Variants in WDR33 observed in about 807,000 individuals in gnomAD.
The protein encoded by WDR33 is pre-mRNA 3' end processing protein WDR33.
A neutral mutation model predicts 164.9 loss-of-function variants in WDR33; 47 were observed. The observed-to-expected ratio is 0.29, with a 90% CI of 0.23 to 0.36. The LOEUF (loss-of-function observed/expected upper bound fraction) is 0.36. Ranked by LOEUF, WDR33 falls within the 10% of genes least tolerant of loss-of-function variation. WDR33 has a pLI of 1.00. For missense variants in WDR33, 1,137 were observed against 1,754.1 expected (o/e 0.65, Z 6.28); for synonymous variants, 505 against 589.0 (o/e 0.86, Z 2.06).
chr2:127,744,994 C>T (rs1191070084), intron 7 of WDR33, among the ~76,000 whole-genome samples: 1 of 152,068 alleles, frequency 6.6e-6, no homozygotes, highest in Non-Finnish European at 1.5e-5. Context: ...GCACTGCTAA[C>T]GAAGCCAGGT....
intron 1 of WDR33, among the ~76,000 whole-genome samples, chr2:127,790,338 T>G (rs764121543): frequency 6.6e-6 from 1 of 152,196 alleles, no homozygotes; most frequent in Non-Finnish European, 1.5e-5. Context: ...ATTGCTGGAT[T>G]TGAGTTACTA....
At chr2:127,780,567 A>C (rs1174753950) in intron 1 of WDR33, among the ~76,000 whole-genome samples, 3 of 152,212 alleles carry the variant, frequency 2.0e-5, no homozygotes, top group African/African-American at 7.2e-5. Context: ...GAAGCTGTTT[A>C]AATAAGTAGG....
In WDR33 at chr2:127,713,883, C is replaced by T. The variant is rs758162283; in HGVS notation, c.3008G>A (p.Arg1003His). 9.9e-6 allele frequency: 16 copies of T among 1,614,074 alleles called. No individual in the cohort carries two copies. Among genetic ancestry groups the T allele is most frequent in the Admixed American group, 6.7e-5 (4 of 60,004 alleles). The change falls in exon 18 of 22, where the codon CGT becomes CAT. Residue 1003 changes from arginine to histidine, a missense_variant. This residue lies in a region of WDR33 where 867 missense variants were observed against 1,073.0 expected (regional missense o/e 0.81). Coordinates refer to ENST00000322313, the MANE Select transcript of WDR33 (RefSeq NM_018383.5). This position sits in a 1 kb window ranked among gnomAD's most constrained non-coding sequence, Gnocchi z 6.2. ...GQDCRGPPDR[R>H]GPHPDFPDDF... is the part of the protein sequence containing the mutation. Reference sequence around the variant, plus strand: ...ATCGGGGAAGTCTGGGTGAGGGCCACGCCTATCAGGGGGACCCCTGCAGTC... The same window carrying T: ...ATCGGGGAAGTCTGGGTGAGGGCCATGCCTATCAGGGGGACCCCTGCAGTC...
rs1290450019 is a variant in WDR33, at chr2:127,764,630, T to C, written c.626+198A>G. 1.3e-6 allele frequency: 2 copies of C among 1,555,650 alleles called. No individual in the cohort carries two copies. Among genetic ancestry groups the C allele is most frequent in the African/African-American group, 1.4e-5 (1 of 73,024 alleles). On this transcript the variant is annotated intron_variant, in intron 6 of 21. Transcript: ENST00000322313. This position sits in a 1 kb window ranked among gnomAD's most constrained non-coding sequence, Gnocchi z 6.2. ...ATCTCTAACATATTGCAAAGGCTGA[T>C]ACCGGGACAACACTACTTCAGAAAG...
chr2:127,702,236 C>G lies in WDR33; in HGVS notation c.*4087G>C. The G allele has an allele frequency of 3.4e-6, 4 of 1,185,326 alleles. No homozygotes were observed. The highest frequency in any genetic ancestry group is 3.7e-5 in the East Asian group (1 of 26,876). The allele number at this position is 1,185,326 out of a possible 1,614,324, so 73.4% of individuals were successfully genotyped here. On this transcript the variant is annotated 3_prime_UTR_variant, in exon 22 of 22. Coordinates refer to ENST00000322313, the MANE Select transcript of WDR33 (RefSeq NM_018383.5). ...GAGCCAGCGCCGTCGGAGACCGCGC[C>G]GGCCGAGCTGAGGACTGCACGCCGC... is the stretch of plus-strand genomic sequence containing the variant.
intron 1 of WDR33, among the ~76,000 whole-genome samples, chr2:127,773,799 T>C (rs112408982): frequency 0.026 from 3,956 of 152,286 alleles, 179 homozygotes; most frequent in African/African-American, 0.089. Flanking sequence ...GGTCTCGCTC[T>C]GTTGCCCAGG....
chr2:127,732,799 T>C (rs1027702361), intron 7 of WDR33, among the ~76,000 whole-genome samples: 1 of 152,202 alleles, frequency 6.6e-6, no homozygotes, highest in African/African-American at 2.4e-5. Context: ...AAACCGTACA[T>C]AGAAACTTAA....
chr2:127,797,297 G>A (rs1447798655), intron 1 of WDR33, among the ~76,000 whole-genome samples: 1 of 152,086 alleles, frequency 6.6e-6, no homozygotes, highest in African/African-American at 2.4e-5. Context: ...TTCGATACCA[G>A]CCTGGCCAAC....
chr2:127,786,580 G>A (rs1294803398), intron 1 of WDR33, among the ~76,000 whole-genome samples: 1 of 152,126 alleles, frequency 6.6e-6, no homozygotes, highest in Non-Finnish European at 1.5e-5. Context: ...CTACACAGGA[G>A]GCTACAGCAT....
At chr2:127,747,483 T>TTA (rs1687200234) in intron 7 of WDR33, among the ~76,000 whole-genome samples, 1 of 152,148 alleles carries the variant, frequency 6.6e-6, no homozygotes, top group African/African-American at 2.4e-5. Context: ...AAACCTTTAT[T>TTA]TAAAGATTTT....
At chr2:127,797,346 GC>G (rs1689076198) in intron 1 of WDR33, among the ~76,000 whole-genome samples, 1 of 151,978 alleles carries the variant, frequency 6.6e-6, no homozygotes. Context: ...ACAAAAATTA[GC>G]TGGGCGTGGT....
chr2:127,747,500 C>T (rs901736917), intron 7 of WDR33, among the ~76,000 whole-genome samples: 2 of 151,546 alleles, frequency 1.3e-5, no homozygotes, highest in African/African-American at 4.8e-5. Flanking sequence ...TTTTGAGGTT[C>T]CCATGAGCAC....
chr2:127,790,946 C>A (rs13425673), intron 1 of WDR33, among the ~76,000 whole-genome samples: 3,230 of 152,164 alleles, frequency 0.021, 124 homozygotes, highest in African/African-American at 0.075. Context: ...TCTGTAAGAT[C>A]TGTAGTAATA....
chr2:127,772,055 T>C (rs1278848226), intron 1 of WDR33, among the ~76,000 whole-genome samples: 2 of 152,134 alleles, frequency 1.3e-5, no homozygotes, highest in Non-Finnish European at 2.9e-5. Flanking sequence ...TCTCAGACTC[T>C]TGGGCTCAAG....
rs573542516 is a variant in WDR33 at position 127,701,671 on chromosome 2, G to A, written c.*4652C>T. The A allele has an allele frequency of 5.4e-6, 7 of 1,297,746 alleles. No individual in the cohort carries two copies. Among genetic ancestry groups the A allele is most frequent in the Non-Finnish European group, 6.8e-6 (7 of 1,028,326 alleles). 80.4% of individuals were successfully genotyped at this position (1,297,746 alleles called of 1,614,324 possible). A position where few individuals can be genotyped will look rare whatever the true frequency, so the allele number is the denominator to read the frequency against. ...GCGGAGGAGTGGCTGGGCCGCGCGG[G>A]CTTGCGCTGGACGTGGGCGCGGAGC... is the stretch of plus-strand genomic sequence containing the variant. On this transcript the variant is annotated 3_prime_UTR_variant, in exon 22 of 22. Coordinates refer to ENST00000322313, the MANE Select transcript of WDR33 (RefSeq NM_018383.5).
rs1686348337 is a variant in WDR33 at position 127,718,458 on chromosome 2, T to G, written c.2760+807A>C. Among the ~76,000 whole-genome samples, 1 of 151,966 alleles carries G rather than the reference T, an allele frequency of 6.6e-6. No individual in the cohort carries two copies. ...ATAAAATGCACATAGCTGAGCAGTA[T>G]TACATCTATTTATGCTCATGCAATT... is the stretch of plus-strand genomic sequence containing the variant. On this transcript the variant is annotated intron_variant, in intron 16 of 21. Transcript: ENST00000322313. This position sits in a 1 kb window ranked among gnomAD's most constrained non-coding sequence, Gnocchi z 4.4.
rs1685981909 is a variant in WDR33 at position 127,705,071 on chromosome 2, C to CA, written c.*1251dup. Reference sequence around the variant, plus strand: ...GCTGGGTGACAGAGCAAGACTCTGTCAAAAAAGGAAAAGAAAAAAAGAAAC... The same window carrying CA: ...GCTGGGTGACAGAGCAAGACTCTGTCAAAAAAAGGAAAAGAAAAAAAGAAAC... On this transcript the variant is annotated 3_prime_UTR_variant, in exon 22 of 22. Transcript: ENST00000322313. The surrounding 1 kb of genome is among the most constrained non-coding windows in gnomAD (Gnocchi z 4.5). 1 of 165,334 alleles carries CA rather than the reference C, an allele frequency of 6.0e-6. No homozygotes were observed. Among genetic ancestry groups the CA allele is most frequent in the South Asian group, 2.1e-4 (1 of 4,706 alleles). The allele number at this position is 165,334 out of a possible 1,614,324, so 10.2% of individuals were successfully genotyped here.
intron 7 of WDR33, chr2:127,736,291 G>T: frequency 1.0e-6 from 1 of 985,384 alleles, no homozygotes; most frequent in Non-Finnish European, 1.2e-6. Flanking sequence ...GGGAGGAAGA[G>T]GAGACTGGGG....
intron 1 of WDR33, among the ~76,000 whole-genome samples, chr2:127,806,946 G>A (rs78508487): frequency 0.014 from 2,169 of 152,190 alleles, 63 homozygotes; most frequent in African/African-American, 0.05. Flanking sequence ...GTTAACAGTC[G>A]AATCCAAACA....
Sources: gnomAD v4.1 joint callset for allele counts (sites outside exome capture counted in the v4.1 genomes callset) on GRCh38, gnomAD v4.1.1 for gene constraint, gnomAD v4.1.1 regional missense constraint, Gnocchi (gnomAD v3.1) non-coding constraint, MANE v1.5 for transcripts, NCBI Gene and HGNC (gene_info 2026-07-23, HGNC 2026-07-21) for gene names.